OR11A1: variants seen among roughly 807,000 people sequenced by gnomAD.
The protein encoded by OR11A1 is olfactory receptor family 11 subfamily A member 1, also known as olfactory receptor 11A1.
For synonymous variants in OR11A1, 158 were observed against 152.2 expected, an observed-to-expected ratio of 1.04 and a Z score of -0.28; for missense variants, 380 against 378.2, an observed-to-expected ratio of 1.00 and a Z score of -0.04.
chr6:29,430,231 T>A (rs184570520), intron 3 of OR11A1, 70 bp downstream of exon 3: 1 of 958,234 alleles, frequency 1.0e-6, no homozygotes, highest in Non-Finnish European at 1.2e-6. Context: ...ATGCTGTTCT[T>A]CATAGACTAC....
intron 1 of OR11A1, chr6:29,440,034 A>T (rs1041029440): frequency 6.2e-7 from 1 of 1,613,080 alleles, no homozygotes; most frequent in African/African-American, 1.3e-5. Flanking sequence ...AAACACCTCC[A>T]TGGTGACTGA....
intron 1 of OR11A1, among the ~76,000 whole-genome samples, chr6:29,447,250 A>G (rs1419174674): frequency 6.6e-6 from 1 of 152,198 alleles, no homozygotes; most frequent in Non-Finnish European, 1.5e-5. Flanking sequence ...AAGGGTAAAA[A>G]TACTGCCCTA....
rs1353959649 is a variant in OR11A1, at chr6:29,430,441, T to A, written c.-264-16A>T. ...TATAGGATTCCTGCCAGGAGAGAGGTGAGCATGTAAATCAGGCAAGAATAC... is the reference window on the plus strand; with the variant it reads ...TATAGGATTCCTGCCAGGAGAGAGGAGAGCATGTAAATCAGGCAAGAATAC... On this transcript the variant is annotated splice_polypyrimidine_tract_variant and intron_variant, in intron 2 of 4. Transcript: ENST00000377149. 1.0e-6 allele frequency: 1 copy of A among 985,168 alleles called. No individual in the cohort carries two copies. The highest frequency in any genetic ancestry group is 1.2e-6 in the Non-Finnish European group (1 of 829,876). 61.0% of individuals were successfully genotyped at this position (985,168 alleles called of 1,614,324 possible).
intron 1 of OR11A1, among the ~76,000 whole-genome samples, chr6:29,434,740 G>T (rs1453864242): frequency 6.6e-6 from 1 of 152,184 alleles, no homozygotes; most frequent in Admixed American, 6.5e-5. Flanking sequence ...CAGTCCCATG[G>T]ATAAAGACAA....
intron 1 of OR11A1, among the ~76,000 whole-genome samples, chr6:29,445,465 C>T (rs1784657526): frequency 6.6e-6 from 1 of 152,162 alleles, no homozygotes. Flanking sequence ...ACAAAAAAGA[C>T]CTCAGAGGAA....
chr6:29,447,490 G>A (rs1482550465), intron 1 of OR11A1, among the ~76,000 whole-genome samples: 4 of 152,176 alleles, frequency 2.6e-5, no homozygotes, highest in Non-Finnish European at 5.9e-5. Context: ...ATATTTATTT[G>A]TTGAATGAAT....
chr6:29,427,873 T>A, intron 4 of OR11A1, 141 bp from the exon 5 acceptor site: 1 of 681,028 alleles, frequency 1.5e-6, no homozygotes, highest in South Asian at 2.4e-5. Context: ...TTGTGCATAT[T>A]CTTTAACGCT....
chr6:29,456,949 A>T (rs1786409104), intron 1 of OR11A1, 38 bp downstream of exon 1: 1 of 152,070 alleles, frequency 6.6e-6, no homozygotes, highest in Admixed American at 6.5e-5. Flanking sequence ...AGCTGATTGT[A>T]TTTCTAAGAT....
At chr6:29,451,815 T>TTAAAA (rs1434525487) in intron 1 of OR11A1, among the ~76,000 whole-genome samples, 9 of 152,168 alleles carry the variant, frequency 5.9e-5, no homozygotes, top group African/African-American at 2.2e-4. Flanking sequence ...TGAACTGCCA[T>TTAAAA]TTGACCCAGC....
chr6:29,453,919 T>A lies in OR11A1; in HGVS notation c.-389+3068A>T, dbSNP rs189189481. Reference sequence around the variant, plus strand: ...CCAAAACCTTCACCCAATCATTGACTGAACACTAAGCTGTGCAAGAACAAG... The same window carrying A: ...CCAAAACCTTCACCCAATCATTGACAGAACACTAAGCTGTGCAAGAACAAG... On this transcript the variant is annotated intron_variant, in intron 1 of 4. Coordinates refer to ENST00000377149, the MANE Select transcript of OR11A1 (RefSeq NM_001394828.1). This position sits in a 1 kb window ranked among gnomAD's most constrained non-coding sequence, Gnocchi z 4.5. Among the ~76,000 whole-genome samples, 2 of 152,134 alleles carry A rather than the reference T, an allele frequency of 1.3e-5. No individual in the cohort carries two copies. The highest frequency in any genetic ancestry group is 1.9e-4 in the East Asian group (1 of 5,194).
Position 29,433,612 on chromosome 6 carries a change from G to A in OR11A1, c.-388-1625C>T, listed in dbSNP as rs140932614. ...GATGCTTAGGTTTATTCCACATCTT[G>A]GCTATTGTGAATAATACTACAATGA... On this transcript the variant is annotated intron_variant, in intron 1 of 4. Coordinates refer to ENST00000377149, the MANE Select transcript of OR11A1 (RefSeq NM_001394828.1). Among the ~76,000 whole-genome samples the A allele has an allele frequency of 3.9e-5, 6 of 152,130 alleles. No individual in the cohort carries two copies. In the East Asian group the frequency reaches 1.2e-3, roughly 29 times the overall value.
intron 1 of OR11A1, among the ~76,000 whole-genome samples, chr6:29,435,106 C>A (rs1204752206): frequency 6.6e-6 from 1 of 152,314 alleles, no homozygotes; most frequent in South Asian, 2.1e-4. Context: ...TAGGAGAATT[C>A]TAAGAGGGCC....
intron 3 of OR11A1, among the ~76,000 whole-genome samples, chr6:29,430,071 A>G (rs929187259): frequency 1.3e-5 from 2 of 152,228 alleles, no homozygotes; most frequent in Non-Finnish European, 2.9e-5. Flanking sequence ...TCTCTTTTCC[A>G]AAAGACTAAA....
chr6:29,452,223 G>T (rs2107193), intron 1 of OR11A1, among the ~76,000 whole-genome samples: 32,126 of 151,990 alleles, frequency 0.21, 4,124 homozygotes, highest in South Asian at 0.32. Flanking sequence ...CTACCTATTG[G>T]TTACTGTGCT....
chr6:29,455,766 C>T (rs1294244430), intron 1 of OR11A1, among the ~76,000 whole-genome samples: 1 of 148,218 alleles, frequency 6.7e-6, no homozygotes, highest in Non-Finnish European at 1.5e-5. Context: ...ATCCCAGCTA[C>T]TTGGGAGGCT....
chr6:29,448,318 C>G (rs1287200196), intron 1 of OR11A1, among the ~76,000 whole-genome samples: 1 of 152,018 alleles, frequency 6.6e-6, no homozygotes, highest in Non-Finnish European at 1.5e-5. Flanking sequence ...CCCAGCCACA[C>G]GACCCTTTCT....
intron 1 of OR11A1, among the ~76,000 whole-genome samples, chr6:29,433,247 T>C (rs534720774): frequency 6.6e-6 from 1 of 152,290 alleles, no homozygotes; most frequent in Non-Finnish European, 1.5e-5. Flanking sequence ...TCATTAATTA[T>C]AGTCACCCTT....
intron 1 of OR11A1, chr6:29,441,022 C>A: frequency 9.6e-7 from 1 of 1,037,058 alleles, no homozygotes; most frequent in Non-Finnish European, 1.4e-6. Context: ...ATCAAAGAGT[C>A]TCCCTTAAGG....
intron 1 of OR11A1, among the ~76,000 whole-genome samples, chr6:29,447,323 G>A (rs1023820536): frequency 1.2e-4 from 19 of 152,278 alleles, no homozygotes; most frequent in African/African-American, 3.6e-4. Context: ...CAGCCATTGG[G>A]AAATAGTTCA....
Sources: gnomAD v4.1 joint callset for allele counts (sites outside exome capture counted in the v4.1 genomes callset) on GRCh38, gnomAD v4.1.1 for gene constraint, Gnocchi (gnomAD v3.1) non-coding constraint, MANE v1.5 for transcripts, NCBI Gene and HGNC (gene_info 2026-07-23, HGNC 2026-07-21) for gene names.